The following STPG2 variants were observed in gnomAD, a reference collection of about 807,000 sequenced individuals.
STPG2 encodes sperm-tail PG-rich repeat-containing protein 2.
STPG2 carries 56 observed loss-of-function variants against 54.2 expected under a neutral mutation model. The ratio of observed to expected loss-of-function variants is 1.03; its 90% confidence interval spans 0.83 to 1.29. The LOEUF (loss-of-function observed/expected upper bound fraction) is 1.29. Among genes scored for constraint, STPG2 ranks in the 50% most tolerant of loss-of-function variants. The pLI, the probability that STPG2 is intolerant of heterozygous loss-of-function variation, is 0.00. For missense variants in STPG2, 596 were observed against 544.9 expected (o/e 1.09, Z -0.93); for synonymous variants, 200 against 181.8 (o/e 1.10, Z -0.81).
At chr4:97,685,885 C>G (rs2148983585) in intron 10 of STPG2, among the ~76,000 whole-genome samples, 1 of 152,284 alleles carries the variant, frequency 6.6e-6, no homozygotes, top group South Asian at 2.1e-4. Flanking sequence ...GGAGAGCAGT[C>G]TGACTAATAC....
At chr4:97,583,589 G>T (rs1281880178) in intron 10 of STPG2, among the ~76,000 whole-genome samples, 1 of 151,596 alleles carries the variant, frequency 6.6e-6, no homozygotes, top group African/African-American at 2.4e-5. Flanking sequence ...GGCCATTTAG[G>T]ACTATTTGGT....
At chr4:97,929,622 T>C (rs1195581129) in intron 8 of STPG2, among the ~76,000 whole-genome samples, 1 of 152,178 alleles carries the variant, frequency 6.6e-6, no homozygotes, top group Non-Finnish European at 1.5e-5. Flanking sequence ...TTTCTCTAAT[T>C]ATCAGTGATG....
intron 4 of STPG2, among the ~76,000 whole-genome samples, chr4:97,457,741 A>G (rs1729564430): frequency 6.6e-6 from 1 of 152,258 alleles, no homozygotes; most frequent in Non-Finnish European, 1.5e-5. Flanking sequence ...ACGTGAAAGT[A>G]GAATAAGTAT....
intron 4 of STPG2, among the ~76,000 whole-genome samples, chr4:97,536,543 T>A (rs190844579): frequency 6.6e-6 from 1 of 152,198 alleles, no homozygotes; most frequent in Non-Finnish European, 1.5e-5. Flanking sequence ...ACCTATTTCC[T>A]TTATGAATTA....
intron 4 of STPG2, among the ~76,000 whole-genome samples, chr4:97,485,496 C>G (rs1326182696): frequency 6.6e-6 from 1 of 151,692 alleles, no homozygotes; most frequent in Non-Finnish European, 1.5e-5. Flanking sequence ...ATATACTTAA[C>G]TAAGGAGGCA....
chr4:97,787,340 A>T (rs898338149), intron 9 of STPG2, among the ~76,000 whole-genome samples: 4 of 152,204 alleles, frequency 2.6e-5, no homozygotes, highest in South Asian at 2.1e-4. Context: ...TTTTAATATT[A>T]ATCAGAGTTG....
intron 10 of STPG2, among the ~76,000 whole-genome samples, chr4:97,627,266 C>T (rs1734158816): frequency 6.6e-6 from 1 of 152,102 alleles, no homozygotes; most frequent in Admixed American, 6.6e-5. Context: ...TCAGTCAAAA[C>T]AGATAAAAGA....
intron 9 of STPG2, among the ~76,000 whole-genome samples, chr4:97,738,219 C>T (rs982153411): frequency 6.6e-5 from 10 of 152,234 alleles, no homozygotes; most frequent in East Asian, 1.9e-4. Flanking sequence ...AAGCACTAAA[C>T]GTGGAAAGGA....
intron 9 of STPG2, among the ~76,000 whole-genome samples, chr4:97,784,068 TA>T (rs554533523): frequency 0.021 from 2,564 of 120,230 alleles, 42 homozygotes; most frequent in African/African-American, 0.055. Flanking sequence ...AAAGTATAAT[TA>T]AAAAAAAAAA....
intron 8 of STPG2, among the ~76,000 whole-genome samples, chr4:97,846,737 G>A (rs1440248482): frequency 6.6e-6 from 1 of 151,956 alleles, no homozygotes; most frequent in Non-Finnish European, 1.5e-5. Flanking sequence ...TGGAGAGAAG[G>A]GCCTGCGAAA....
intron 4 of STPG2, among the ~76,000 whole-genome samples, chr4:97,524,814 T>C (rs1218463012): frequency 6.6e-6 from 1 of 152,032 alleles, no homozygotes; most frequent in Non-Finnish European, 1.5e-5. Flanking sequence ...ATTCTGAGAA[T>C]GATTCTTCAC....
At chr4:98,097,694 T>C (rs1184612557) in intron 5 of STPG2, among the ~76,000 whole-genome samples, 2 of 152,134 alleles carry the variant, frequency 1.3e-5, no homozygotes, top group South Asian at 2.1e-4. Context: ...ATTATCCTTG[T>C]TTGCCGATAT....
chr4:97,750,452 C>T (rs1036674376), intron 9 of STPG2, among the ~76,000 whole-genome samples: 15 of 151,480 alleles, frequency 9.9e-5, no homozygotes, highest in African/African-American at 3.6e-4. Flanking sequence ...TCCTGTATTT[C>T]CAGGAATCAA....
chr4:98,007,418 C>T (rs958123039), intron 5 of STPG2, among the ~76,000 whole-genome samples: 1 of 152,128 alleles, frequency 6.6e-6, no homozygotes, highest in Non-Finnish European at 1.5e-5. Flanking sequence ...GCCAAACACC[C>T]CTACTCAGCA....
chr4:97,750,316 GC>G (rs1725547636), intron 9 of STPG2, among the ~76,000 whole-genome samples: 1 of 151,750 alleles, frequency 6.6e-6, no homozygotes, highest in Admixed American at 6.6e-5. Context: ...CAACTACTTA[GC>G]CCTCAAGAGA....
At chr4:97,738,716 T>C (rs1297805749) in intron 9 of STPG2, among the ~76,000 whole-genome samples, 3 of 152,008 alleles carry the variant, frequency 2.0e-5, no homozygotes, top group African/African-American at 7.3e-5. Context: ...ATAAAGCAAG[T>C]CCTGAGTGAC....
At chr4:97,853,975 T>G (rs1008430326) in intron 8 of STPG2, among the ~76,000 whole-genome samples, 2 of 152,156 alleles carry the variant, frequency 1.3e-5, no homozygotes, top group Non-Finnish European at 2.9e-5. Flanking sequence ...GGGAGTTTTG[T>G]GTGTTTTTTA....
intron 5 of STPG2, among the ~76,000 whole-genome samples, chr4:98,074,803 T>A (rs146335948): frequency 1.3e-5 from 2 of 152,364 alleles, no homozygotes; most frequent in South Asian, 4.1e-4. Flanking sequence ...CTCAGTTATC[T>A]GTTAAATTCT....
intron 5 of STPG2, among the ~76,000 whole-genome samples, chr4:97,993,945 T>G (rs1407659584): frequency 6.6e-6 from 1 of 152,186 alleles, no homozygotes; most frequent in African/African-American, 2.4e-5. Context: ...CCTGTTTCAT[T>G]TCTAATTAAG....
Sources: gnomAD v4.1 joint callset for allele counts (sites outside exome capture counted in the v4.1 genomes callset) on GRCh38, gnomAD v4.1.1 for gene constraint, MANE v1.5 for transcripts, NCBI Gene and HGNC (gene_info 2026-07-23, HGNC 2026-07-21) for gene names.